FIRRM: variants seen among roughly 807,000 people sequenced by gnomAD.
The protein encoded by FIRRM is FIGNL1 interacting regulator of recombination and mitosis.
At chr1:169,809,299 C>G in the FIRRM span, among the ~76,000 whole-genome samples, 1 of 152,136 alleles carries the variant, frequency 6.6e-6, no homozygotes. Flanking sequence ...ATTCGTGCAT[C>G]CTTTCTGATT....
At chr1:169,840,877 A>AT in the FIRRM span, among the ~76,000 whole-genome samples, 2 of 152,158 alleles carry the variant, frequency 1.3e-5, no homozygotes, top group African/African-American at 4.8e-5. Flanking sequence ...ATTTTTGTAC[A>AT]TTGATTTTGT....
chr1:169,792,421 G>C, the FIRRM span: 13 of 614,292 alleles, frequency 2.1e-5, no homozygotes, highest in African/African-American at 2.1e-4. Flanking sequence ...CACCTAGTGA[G>C]TAAAAGACTG....
At chr1:169,796,609 C>T in the FIRRM span, among the ~76,000 whole-genome samples, 1 of 152,214 alleles carries the variant, frequency 6.6e-6, no homozygotes, top group African/African-American at 2.4e-5. Flanking sequence ...ATTCCAAACC[C>T]TTATCACCTC....
At chr1:169,839,514 T>C in the FIRRM span, among the ~76,000 whole-genome samples, 1 of 152,212 alleles carries the variant, frequency 6.6e-6, no homozygotes, top group Non-Finnish European at 1.5e-5. Context: ...TGATAGCTTT[T>C]TCATATGATG....
At chr1:169,810,624 T>C in the FIRRM span, among the ~76,000 whole-genome samples, 1 of 152,074 alleles carries the variant, frequency 6.6e-6, no homozygotes, top group Non-Finnish European at 1.5e-5. Context: ...TAACTAATTA[T>C]GTCTTCAATA....
chr1:169,790,086 G>A, the FIRRM span, among the ~76,000 whole-genome samples: 1 of 152,132 alleles, frequency 6.6e-6, no homozygotes, highest in African/African-American at 2.4e-5. Context: ...TGGATTTGTA[G>A]CCATAATTTG....
the FIRRM span, chr1:169,803,040 A>T: frequency 2.5e-6 from 2 of 814,286 alleles, no homozygotes; most frequent in South Asian, 3.8e-5. Flanking sequence ...TGATAGACTA[A>T]AGTTCTGTGA....
the FIRRM span, among the ~76,000 whole-genome samples, chr1:169,824,976 A>G: frequency 6.6e-6 from 1 of 152,148 alleles, no homozygotes; most frequent in Non-Finnish European, 1.5e-5. Flanking sequence ...TACCCAACAA[A>G]ATCTGTTCCT....
the FIRRM span, chr1:169,850,823 G>A: frequency 6.4e-6 from 1 of 155,212 alleles, no homozygotes; most frequent in Admixed American, 6.3e-5. Context: ...TCCTCTGCCT[G>A]TAGTTTGGGG....
At chr1:169,840,671 C>T in the FIRRM span, among the ~76,000 whole-genome samples, 13 of 151,794 alleles carry the variant, frequency 8.6e-5, no homozygotes, top group East Asian at 1.9e-4. Flanking sequence ...CCAACACGCC[C>T]GGCTAATTTT....
chr1:169,821,557 C>T, the FIRRM span: 4 of 560,686 alleles, frequency 7.1e-6, no homozygotes, highest in African/African-American at 5.9e-5. Flanking sequence ...AAATTTTATA[C>T]TGTGTTTAAG....
the FIRRM span, chr1:169,793,230 C>G: frequency 1.2e-6 from 2 of 1,614,182 alleles, no homozygotes; most frequent in Non-Finnish European, 1.7e-6. Flanking sequence ...GTAATCAGAT[C>G]AGAGTGAGAA....
chr1:169,819,515 A>G, the FIRRM span, among the ~76,000 whole-genome samples: 6 of 152,332 alleles, frequency 3.9e-5, no homozygotes, highest in African/African-American at 9.6e-5. Context: ...AGATTTTGAG[A>G]GGGATCTATC....
chr1:169,843,787 A>G, the FIRRM span: 1 of 1,474,692 alleles, frequency 6.8e-7, no homozygotes, highest in Non-Finnish European at 9.5e-7. Context: ...TAATGACCAG[A>G]TTGATACTTT....
chr1:169,789,493 G>A, the FIRRM span, among the ~76,000 whole-genome samples: 3 of 152,264 alleles, frequency 2.0e-5, no homozygotes, highest in Admixed American at 6.5e-5. Flanking sequence ...ACAGAACGTC[G>A]TCTGTGGGAC....
At chr1:169,849,051 G>T in the FIRRM span, among the ~76,000 whole-genome samples, 6 of 152,336 alleles carry the variant, frequency 3.9e-5, no homozygotes, top group South Asian at 1.2e-3. Flanking sequence ...ACAACATGAT[G>T]ATATGTGCAG....
the FIRRM span, among the ~76,000 whole-genome samples, chr1:169,829,705 C>T: frequency 6.6e-6 from 1 of 152,032 alleles, no homozygotes; most frequent in Non-Finnish European, 1.5e-5. Flanking sequence ...ATATGTAGTA[C>T]TTAAGTAAGT....
the FIRRM span, among the ~76,000 whole-genome samples, chr1:169,803,611 G>C: frequency 6.6e-6 from 1 of 152,090 alleles, no homozygotes; most frequent in Non-Finnish European, 1.5e-5. Flanking sequence ...ATGTTGCATT[G>C]ACCAATATTC....
chr1:169,841,526 C>CCA, the FIRRM span, among the ~76,000 whole-genome samples: 1 of 152,150 alleles, frequency 6.6e-6, no homozygotes, highest in Non-Finnish European at 1.5e-5. Flanking sequence ...CTTCCCTGTA[C>CCA]CCCCACCACA....
Sources: gnomAD v4.1 joint callset for allele counts (sites outside exome capture counted in the v4.1 genomes callset) on GRCh38, gnomAD v4.1.1 for gene constraint, MANE v1.5 for transcripts, NCBI Gene and HGNC (gene_info 2026-07-23, HGNC 2026-07-21) for gene names.